The following GRIK2 variants were observed in gnomAD, a reference collection of about 807,000 sequenced individuals.
GRIK2 encodes the protein glutamate ionotropic receptor kainate type subunit 2.
A neutral mutation model predicts 100.3 loss-of-function variants in GRIK2; 32 were observed. The observed-to-expected ratio is 0.32, with a 90% confidence interval of 0.24 to 0.43. The LOEUF is 0.43. GRIK2 is among the 20% of genes least tolerant of loss of function. The pLI is 1.00. For missense variants in GRIK2, 843 were observed against 1,114.9 expected (o/e 0.76, Z 3.47); for synonymous variants, 417 against 389.4 (o/e 1.07, Z -0.83).
intron 2 of GRIK2, among the ~76,000 whole-genome samples, chr6:101,402,784 C>A (rs556611643): frequency 6.6e-6 from 1 of 152,302 alleles, no homozygotes; most frequent in Admixed American, 6.5e-5. Context: ...CTCCAGAGCG[C>A]TGGCGCGGCG....
chr6:101,414,534 C>A (rs936907238), intron 2 of GRIK2, among the ~76,000 whole-genome samples: 3 of 152,122 alleles, frequency 2.0e-5, no homozygotes, highest in Non-Finnish European at 4.4e-5. Flanking sequence ...GTTCACTTCT[C>A]ATGTCTCTCT....
intron 4 of GRIK2, among the ~76,000 whole-genome samples, chr6:101,675,270 T>TACGCAC (rs1403377210): frequency 6.7e-6 from 1 of 148,682 alleles, no homozygotes; most frequent in Non-Finnish European, 1.5e-5. Flanking sequence ...ACAGTACATG[T>TACGCAC]ACGCACACGC....
At chr6:101,746,964 T>C (rs1750335031) in intron 7 of GRIK2, among the ~76,000 whole-genome samples, 1 of 152,220 alleles carries the variant, frequency 6.6e-6, no homozygotes, top group African/African-American at 2.4e-5. Flanking sequence ...ATCTATTATA[T>C]TTTTATAACC....
intron 10 of GRIK2, among the ~76,000 whole-genome samples, chr6:101,856,379 A>T (rs1202451293): frequency 6.6e-6 from 1 of 152,222 alleles, no homozygotes; most frequent in Non-Finnish European, 1.5e-5. Flanking sequence ...GCTGTAATAT[A>T]ATGTCTATGA....
At position 101,744,558 on chromosome 6, in the gene GRIK2, A is replaced by ATATATATATC. The variant is rs751011648; in HGVS notation, c.952-55089_952-55088insATATATATCT. The ATATATATATC allele has an allele frequency of 1.5e-3, 167 of 114,954 alleles. 2 individuals are homozygous for ATATATATATC. Among genetic ancestry groups the ATATATATATC allele is most frequent in the African/African-American group, 5.9e-3 (159 of 26,932 alleles). The allele number at this position is 114,954 out of a possible 1,614,324, so 7.1% of individuals were successfully genotyped here. ...TATATATATATATATATATATATAT[A>ATATATATATC]TCACAATTTCTTTTTCTTTTTCTTT... On this transcript the variant is annotated intron_variant, in intron 7 of 16. Coordinates refer to ENST00000369134, the MANE Select transcript of GRIK2 (RefSeq NM_021956.5).
chr6:101,660,266 C>T (rs1452360922), intron 4 of GRIK2, among the ~76,000 whole-genome samples: 2 of 152,038 alleles, frequency 1.3e-5, no homozygotes, highest in African/African-American at 2.4e-5. Flanking sequence ...TTTGATTCAG[C>T]TATTGATACT....
intron 2 of GRIK2, among the ~76,000 whole-genome samples, chr6:101,468,772 A>C (rs1342245483): frequency 6.6e-6 from 1 of 152,152 alleles, no homozygotes; most frequent in African/African-American, 2.4e-5. Flanking sequence ...AGAATGAAGT[A>C]ATAGTTTACT....
chr6:101,516,765 T>C (rs1388469977), intron 2 of GRIK2, among the ~76,000 whole-genome samples: 4 of 152,168 alleles, frequency 2.6e-5, no homozygotes, highest in Non-Finnish European at 1.5e-5. Flanking sequence ...GAAATTTGGC[T>C]GCCTTCCCAG....
chr6:102,036,764 T>A (rs1331484686), intron 15 of GRIK2, among the ~76,000 whole-genome samples: 2 of 151,380 alleles, frequency 1.3e-5, no homozygotes, highest in Admixed American at 1.3e-4. Context: ...AGATAATAAA[T>A]TTTATATTGG....
At chr6:101,880,067 G>T (rs1786141610) in intron 11 of GRIK2, among the ~76,000 whole-genome samples, 1 of 151,990 alleles carries the variant, frequency 6.6e-6, no homozygotes, top group African/African-American at 2.4e-5. Flanking sequence ...TGGCTATCTA[G>T]TGTCAGAGCC....
At chr6:101,485,104 C>T (rs1484133754) in intron 2 of GRIK2, among the ~76,000 whole-genome samples, 6 of 152,240 alleles carry the variant, frequency 3.9e-5, no homozygotes, top group East Asian at 1.9e-4. Flanking sequence ...CTTCAGCAAA[C>T]GGAATAGGTC....
chr6:101,604,103 A>G (rs1375376567), intron 2 of GRIK2, among the ~76,000 whole-genome samples: 1 of 151,692 alleles, frequency 6.6e-6, no homozygotes, highest in Non-Finnish European at 1.5e-5. Flanking sequence ...CTGTACTAAA[A>G]TTAAAATTCT....
intron 13 of GRIK2, among the ~76,000 whole-genome samples, chr6:101,926,542 T>G (rs763713442): frequency 1.3e-5 from 2 of 152,210 alleles, no homozygotes; most frequent in African/African-American, 4.8e-5. Flanking sequence ...TAGGACAAAC[T>G]TGCTATTAGT....
rs1422232304 is a variant in GRIK2, at chr6:101,799,858, T to C, written c.1095+67T>C. On this transcript the variant is annotated intron_variant, in intron 8 of 16. Transcript: ENST00000369134. ...CAAGCTGAATGAAGTGAGATTATTG[T>C]GGTTTTTCTAGCAAGTGTCCTTTTA... 3.0e-6 allele frequency: 4 copies of C among 1,328,522 alleles called. No homozygotes were observed. In the African/African-American group the frequency reaches 4.4e-5, roughly 15 times the overall value. The allele number at this position is 1,328,522 out of a possible 1,614,324, so 82.3% of individuals were successfully genotyped here. A position where few individuals can be genotyped will look rare whatever the true frequency, so the allele number is the denominator to read the frequency against.
chr6:101,714,558 AT>A (rs1206454044), intron 7 of GRIK2, among the ~76,000 whole-genome samples: 4 of 151,672 alleles, frequency 2.6e-5, no homozygotes, highest in African/African-American at 4.8e-5. Context: ...TATCCACTGG[AT>A]TTTTCTCCCT....
intron 2 of GRIK2, among the ~76,000 whole-genome samples, chr6:101,512,135 A>C (rs1774354143): frequency 6.6e-6 from 1 of 151,630 alleles, no homozygotes. Flanking sequence ...TTCATTTATT[A>C]ATTATATACC....
intron 10 of GRIK2, among the ~76,000 whole-genome samples, chr6:101,820,013 T>C (rs1168067862): frequency 1.3e-5 from 2 of 152,200 alleles, no homozygotes; most frequent in African/African-American, 4.8e-5. Flanking sequence ...CTCACCTTTT[T>C]ATCTTCACTT....
intron 14 of GRIK2, among the ~76,000 whole-genome samples, chr6:101,996,195 T>C (rs891029874): frequency 1.4e-4 from 22 of 152,090 alleles, no homozygotes; most frequent in Admixed American, 1.3e-4. Flanking sequence ...ATTTCTAAAA[T>C]AAAAGGTAAT....
At chr6:101,711,787 G>A (rs1773712632) in intron 7 of GRIK2, among the ~76,000 whole-genome samples, 1 of 151,344 alleles carries the variant, frequency 6.6e-6, no homozygotes, top group Non-Finnish European at 1.5e-5. Context: ...ACATGTAGTG[G>A]CATTTTCATG....
Sources: gnomAD v4.1 joint callset for allele counts (sites outside exome capture counted in the v4.1 genomes callset) on GRCh38, gnomAD v4.1.1 for gene constraint, MANE v1.5 for transcripts, NCBI Gene and HGNC (gene_info 2026-07-23, HGNC 2026-07-21) for gene names.